The following TDRD1 variants were observed in gnomAD, a reference collection of about 807,000 sequenced individuals.
TDRD1 encodes tudor domain containing 1.
Under a neutral mutation model 140.6 loss-of-function variants are expected in TDRD1, and 37 were observed. The ratio of observed to expected loss-of-function variants is 0.26; its 90% CI spans 0.20 to 0.35. The LOEUF is 0.35. TDRD1 is among the 10% of genes least tolerant of loss of function. The pLI, the probability that TDRD1 is intolerant of heterozygous loss-of-function variation, is 1.00. For missense variants in TDRD1, 1,243 were observed against 1,393.0 expected (o/e 0.89, Z 1.71); for synonymous variants, 506 against 475.7 (o/e 1.06, Z -0.83).
At chr10:114,214,206 C>G in intron 16 of TDRD1, 92 bp downstream of exon 16, 1 of 1,151,576 alleles carries the variant, frequency 8.7e-7, no homozygotes, top group South Asian at 1.6e-5. Flanking sequence ...ATAAAAGTAC[C>G]TCTTTCCAAG....
intron 3 of TDRD1, among the ~76,000 whole-genome samples, chr10:114,195,898 T>C (rs560020733): frequency 6.6e-6 from 1 of 152,208 alleles, no homozygotes; most frequent in Admixed American, 6.5e-5. Context: ...CAAGTGTGTA[T>C]CTTTGTATAC....
intron 10 of TDRD1, among the ~76,000 whole-genome samples, chr10:114,205,504 A>C (rs1465641254): frequency 6.6e-6 from 1 of 152,176 alleles, no homozygotes; most frequent in African/African-American, 2.4e-5. Flanking sequence ...CAGCTTTTGC[A>C]TATTATTTCA....
intron 2 of TDRD1, among the ~76,000 whole-genome samples, chr10:114,189,645 G>T (rs2033811600): frequency 6.6e-6 from 1 of 152,142 alleles, no homozygotes; most frequent in South Asian, 2.1e-4. Flanking sequence ...AAGCTGAAGT[G>T]CAATGGCACA....
At chr10:114,199,078 A>C (rs1280905435) in intron 3 of TDRD1, 95 bp from the exon 4 acceptor site, 1 of 1,340,756 alleles carries the variant, frequency 7.5e-7, no homozygotes, top group African/African-American at 1.5e-5. Flanking sequence ...GGAAAAGTAC[A>C]TCTACTTGAT....
At chr10:114,175,976 T>C (rs2032686854), upstream of TDRD1, among the ~76,000 whole-genome samples, 1 of 152,154 alleles carries the variant, frequency 6.6e-6, no homozygotes, top group South Asian at 2.1e-4. Context: ...GTGGGGAAGC[T>C]CTTCTCTGTA....
intron 3 of TDRD1, among the ~76,000 whole-genome samples, chr10:114,197,936 G>A (rs892838881): frequency 3.3e-5 from 5 of 152,248 alleles, no homozygotes; most frequent in East Asian, 1.9e-4. Flanking sequence ...GATTACAGGC[G>A]TGAGCCACCA....
At chr10:114,221,201 AGATT>A (rs1472603508) in intron 19 of TDRD1, among the ~76,000 whole-genome samples, 152 bp from the exon 20 acceptor site, 1 of 152,216 alleles carries the variant, frequency 6.6e-6, no homozygotes, top group African/African-American at 2.4e-5. Context: ...CAAATAGAAT[AGATT>A]GTTTTGTGAA....
intron 1 of TDRD1, among the ~76,000 whole-genome samples, chr10:114,183,673 G>T (rs1188418179): frequency 6.6e-6 from 1 of 150,640 alleles, no homozygotes; most frequent in Non-Finnish European, 1.5e-5. Flanking sequence ...AGTATAATAG[G>T]CTGTCTATTA....
At chr10:114,228,235 T>A in intron 25 of TDRD1, 1 of 1,447,302 alleles carries the variant, frequency 6.9e-7, no homozygotes, top group Non-Finnish European at 9.1e-7. Flanking sequence ...TGTAAGGCTG[T>A]ACTTTCGTGA....
At chr10:114,228,706 C>A in intron 25 of TDRD1, 1 of 985,302 alleles carries the variant, frequency 1.0e-6, no homozygotes. Flanking sequence ...TTCCTCCCCA[C>A]CCCACCCCCA....
intron 25 of TDRD1, among the ~76,000 whole-genome samples, chr10:114,229,395 G>T (rs550307446): frequency 2.0e-5 from 3 of 152,076 alleles, no homozygotes; most frequent in Non-Finnish European, 4.4e-5. Context: ...AAGGTCAATT[G>T]AATTATAAGC....
At chr10:114,191,454 ATAT>A (rs1434411584) in intron 3 of TDRD1, among the ~76,000 whole-genome samples, 3 of 152,182 alleles carry the variant, frequency 2.0e-5, no homozygotes, top group Non-Finnish European at 4.4e-5. Context: ...ATTTTTGAGA[ATAT>A]TATATAAAAG....
At chr10:114,204,953 C>T in intron 10 of TDRD1, 60 bp downstream of exon 10, 2 of 1,425,782 alleles carry the variant, frequency 1.4e-6, no homozygotes, top group Non-Finnish European at 1.9e-6. Flanking sequence ...ACCTGTTACT[C>T]AGAAGAAACG....
chr10:114,204,189 C>G, exon 9 of TDRD1: 2 of 1,595,464 alleles, frequency 1.3e-6, no homozygotes, highest in South Asian at 2.3e-5. Context: ...ACCACCTCAA[C>G]AGGAACATTG....
chr10:114,204,302 C>T (rs2034961586), intron 9 of TDRD1, 86 bp downstream of exon 9: 1 of 1,397,796 alleles, frequency 7.2e-7, no homozygotes, highest in East Asian at 2.4e-5. Flanking sequence ...TTTGCTTGTT[C>T]TATTCTGCTG....
intron 20 of TDRD1, 133 bp from the exon 21 acceptor site, chr10:114,222,454 T>C: frequency 2.6e-6 from 1 of 384,148 alleles, no homozygotes; most frequent in East Asian, 4.2e-5. Flanking sequence ...ATATTTTATA[T>C]ACATGTATAT....
At chr10:114,182,068 G>A (rs1387656222) in intron 1 of TDRD1, among the ~76,000 whole-genome samples, 1 of 152,194 alleles carries the variant, frequency 6.6e-6, no homozygotes, top group Non-Finnish European at 1.5e-5. Flanking sequence ...TGCTCCAAAA[G>A]TTAATGCATA....
At chr10:114,203,118 A>G in exon 7 of TDRD1, 1 of 1,614,016 alleles carries the variant, frequency 6.2e-7, no homozygotes, top group Non-Finnish European at 8.5e-7. Context: ...ATTTGGGCTG[A>G]GAGAATAATG....
At chr10:114,213,527 C>T in exon 15 of TDRD1, 1 of 1,613,826 alleles carries the variant, frequency 6.2e-7, no homozygotes, top group Non-Finnish European at 8.5e-7. Flanking sequence ...TAGATGCAGG[C>T]TTTGCTGTGG....
Sources: gnomAD v4.1 joint callset for allele counts (sites outside exome capture counted in the v4.1 genomes callset) on GRCh38, gnomAD v4.1.1 for gene constraint, MANE v1.5 for transcripts, NCBI Gene and HGNC (gene_info 2026-07-23, HGNC 2026-07-21) for gene names.